Variants in PDLIM1 observed in about 807,000 individuals in gnomAD.
PDLIM1 encodes PDZ and LIM domain protein 1.
PDLIM1 carries 25 observed loss-of-function variants against 35.2 expected under a neutral mutation model. The observed-to-expected ratio is 0.71, with a 90% confidence interval of 0.52 to 0.99. The LOEUF (loss-of-function observed/expected upper bound fraction) is 0.99, where lower values mean the gene tolerates loss of function less well. Among genes scored for constraint, PDLIM1 ranks in the 50% least tolerant of loss-of-function variants. The pLI is 0.00. For missense variants in PDLIM1, 363 were observed against 415.3 expected, an observed-to-expected ratio of 0.87 and a Z score of 1.09; for synonymous variants, 152 against 154.0, an observed-to-expected ratio of 0.99 and a Z score of 0.10.
At chr10:95,256,398 G>A (rs1228376280) in intron 4 of PDLIM1, among the ~76,000 whole-genome samples, 2 of 152,016 alleles carry the variant, frequency 1.3e-5, no homozygotes, top group African/African-American at 4.8e-5. Flanking sequence ...ACAACCTTGA[G>A]AAGGAAAAAC....
At chr10:95,257,034 G>GAAAGAAAGAAAGAAAGAAAGAAAGA (rs1564600757) in intron 4 of PDLIM1, among the ~76,000 whole-genome samples, 1 of 103,908 alleles carries the variant, frequency 9.6e-6, no homozygotes, top group Non-Finnish European at 2.1e-5. Context: ...AAGAAAGAAA[G>GAAAGAAAGAAAGAAAGAAAGAAAGA]AAAGAATTCA....
At chr10:95,272,035 A>T (rs1463943103) in intron 1 of PDLIM1, among the ~76,000 whole-genome samples, 2 of 152,176 alleles carry the variant, frequency 1.3e-5, no homozygotes, top group Non-Finnish European at 2.9e-5. Flanking sequence ...CAAGACCAGG[A>T]TCTGAGGCTT....
In PDLIM1 at chr10:95,238,014, C is replaced by A. The variant is rs2035141404; in HGVS notation, c.901G>T (p.Val301Leu). Reference protein sequence around the residue: ...TNLKQKGHFFVEDQIYCEKHA... With the variant: ...TNLKQKGHFFLEDQIYCEKHA... ...TTCTCACAGTAGATTTGATCCTCCA[C>A]AAAGAAATGGCCCTTCTGTTTCAGG... is the stretch of plus-strand genomic sequence containing the variant. Residue 301 changes from valine (V) to leucine (L), a missense_variant, in exon 7 of 7, where the codon GTG (valine) becomes TTG (leucine). Transcript: ENST00000329399. 2 of 1,614,182 alleles carry A rather than the reference C, an allele frequency of 1.2e-6. No homozygotes were observed. Among genetic ancestry groups the A allele is most frequent in the African/African-American group, 1.3e-5 (1 of 75,038 alleles).
chr10:95,249,785 T>C (rs2035252263), intron 4 of PDLIM1, among the ~76,000 whole-genome samples: 1 of 152,138 alleles, frequency 6.6e-6, no homozygotes, highest in Non-Finnish European at 1.5e-5. Flanking sequence ...TCCCTTCCAC[T>C]CCAACCATGT....
chr10:95,256,986 A>AAAAAAAAG (rs1554832103), intron 4 of PDLIM1, among the ~76,000 whole-genome samples: 2 of 61,658 alleles, frequency 3.2e-5, no homozygotes, highest in African/African-American at 6.7e-5. Flanking sequence ...AAAAAAAAAA[A>AAAAAAAAG]AAAGAAAGAA....
At chr10:95,244,137 A>G (rs2035199999) in intron 5 of PDLIM1, among the ~76,000 whole-genome samples, 1 of 152,188 alleles carries the variant, frequency 6.6e-6, no homozygotes, top group African/African-American at 2.4e-5. Context: ...TTTTCTTAAT[A>G]TAACGGCTTC....
At chr10:95,245,322 A>G (rs969402306) in intron 5 of PDLIM1, among the ~76,000 whole-genome samples, 8 of 152,158 alleles carry the variant, frequency 5.3e-5, no homozygotes, top group Non-Finnish European at 1.0e-4. Flanking sequence ...GGTAAGCATG[A>G]TGGTTGGAAC....
chr10:95,259,899 AAC>A (rs773213038), intron 4 of PDLIM1, among the ~76,000 whole-genome samples: 3 of 152,174 alleles, frequency 2.0e-5, no homozygotes, highest in Non-Finnish European at 2.9e-5. Context: ...CCTTGAAGAG[AAC>A]ACCACCACCC....
intron 1 of PDLIM1, among the ~76,000 whole-genome samples, chr10:95,284,595 T>C (rs1004549091): frequency 8.5e-5 from 13 of 152,108 alleles, no homozygotes; most frequent in Non-Finnish European, 1.3e-4. Flanking sequence ...CTCAGGTGAT[T>C]CACCCACCTT....
chr10:95,269,309 C>T lies in PDLIM1; in HGVS notation c.249-447G>A, dbSNP rs565702442. 3.9e-5 allele frequency among the ~76,000 whole-genome samples: 6 copies of T among 152,294 alleles called. No homozygotes were observed. In the South Asian group the frequency reaches 1.0e-3, roughly 26 times the overall value. On this transcript the variant is annotated intron_variant, in intron 2 of 6. Transcript: ENST00000329399. ...CCTCTTGGCCGGGCGTGGTGGCTCA[C>T]GCCTGTAATCCCAGCACTTTGGGAG...
intron 3 of PDLIM1, 41 bp downstream of exon 3, chr10:95,268,737 C>T: frequency 7.7e-7 from 1 of 1,292,688 alleles, no homozygotes; most frequent in Non-Finnish European, 1.1e-6. Flanking sequence ...CGGCAAAGTG[C>T]TGGGTGGTGA....
At chr10:95,272,173 C>T (rs1457441517) in intron 1 of PDLIM1, among the ~76,000 whole-genome samples, 1 of 152,058 alleles carries the variant, frequency 6.6e-6, no homozygotes, top group East Asian at 1.9e-4. Flanking sequence ...CACTGAACCA[C>T]GTTTGCTTCC....
intron 5 of PDLIM1, among the ~76,000 whole-genome samples, chr10:95,240,801 T>C (rs1357719639): frequency 6.6e-6 from 1 of 152,186 alleles, no homozygotes; most frequent in Non-Finnish European, 1.5e-5. Flanking sequence ...GTCAGCCTGG[T>C]GCGTGTAAAA....
At chr10:95,246,783 C>A (rs2035225176) in intron 5 of PDLIM1, among the ~76,000 whole-genome samples, 1 of 152,234 alleles carries the variant, frequency 6.6e-6, no homozygotes, top group South Asian at 2.1e-4. Flanking sequence ...AAGCCAGCCC[C>A]TGGCTTCACC....
intron 1 of PDLIM1, among the ~76,000 whole-genome samples, chr10:95,288,212 T>C (rs549486793): frequency 3.3e-5 from 5 of 152,298 alleles, no homozygotes; most frequent in African/African-American, 1.2e-4. Context: ...TGCAAGTACA[T>C]AAGATTAGCA....
At position 95,265,947 on chromosome 10, in the gene PDLIM1, G is replaced by A. The variant is rs556047264; in HGVS notation, c.334-1884C>T. 1.0e-4 allele frequency among the ~76,000 whole-genome samples: 15 copies of A among 150,010 alleles called. No homozygotes were observed. The East Asian group carries it at 2.4e-3, about 24-fold the overall frequency. On this transcript the variant is annotated intron_variant, in intron 3 of 6. Coordinates refer to ENST00000329399, the MANE Select transcript of PDLIM1 (RefSeq NM_020992.4). ...GGCACGGTGGCTCATTCCTGTAATC[G>A]CAGCACTTTGGAAAGCCAACGCAAG...
At chr10:95,260,944 A>G (rs571959214) in intron 4 of PDLIM1, among the ~76,000 whole-genome samples, 11 of 152,370 alleles carry the variant, frequency 7.2e-5, no homozygotes, top group African/African-American at 2.4e-4. Context: ...TACAAGCAGC[A>G]TGGCCAGTTA....
chr10:95,244,146 T>C (rs2035200114), intron 5 of PDLIM1, among the ~76,000 whole-genome samples: 1 of 152,200 alleles, frequency 6.6e-6, no homozygotes, highest in Non-Finnish European at 1.5e-5. Context: ...TATAACGGCT[T>C]CTTCTGCCTG....
chr10:95,237,771 G>A lies in PDLIM1; in HGVS notation c.*154C>T. The stretch of plus-strand genomic sequence containing the variant: ...AGCGGGCATCGCACAGCTGGTGTGA[G>A]TCAATTAACCAAGGCAGGGAGGGGA... On this transcript the variant is annotated 3_prime_UTR_variant, in exon 7 of 7. Transcript: ENST00000329399. The A allele has an allele frequency of 1.6e-6, 1 of 626,056 alleles. No individual in the cohort carries two copies. The allele number at this position is 626,056 out of a possible 1,614,324, so 38.8% of individuals were successfully genotyped here. A position where few individuals can be genotyped will look rare whatever the true frequency, so the allele number is the denominator to read the frequency against.
Sources: gnomAD v4.1 joint callset for allele counts (sites outside exome capture counted in the v4.1 genomes callset) on GRCh38, gnomAD v4.1.1 for gene constraint, MANE v1.5 for transcripts, NCBI Gene and HGNC (gene_info 2026-07-23, HGNC 2026-07-21) for gene names.